The following MAP7D2 variants were observed in gnomAD, a reference collection of about 807,000 sequenced individuals.
MAP7D2 encodes MAP7 domain containing 2, also known as MAP7 domain-containing protein 2.
A neutral mutation model predicts 63.5 loss-of-function variants in MAP7D2; 33 were observed. That is an observed-to-expected ratio of 0.52 (90% CI 0.39 to 0.70). The LOEUF is 0.70. Among genes scored for constraint, MAP7D2 ranks in the 30% least tolerant of loss-of-function variants. The pLI is 0.00. For synonymous variants in MAP7D2, 224 were observed against 223.7 expected (o/e 1.00, Z -0.01); for missense variants, 626 against 604.0 (o/e 1.04, Z -0.38).
In MAP7D2 at chrX:20,064,766, A is replaced by T; in HGVS notation, c.170T>A (p.Leu57Ter). 8.3e-7 allele frequency: 1 copy of T among 1,211,360 alleles called. No individual in the cohort carries two copies. The highest frequency in any genetic ancestry group is 1.1e-6 in the Non-Finnish European group (1 of 895,048). Residue 57 changes from leucine to a stop codon, truncating the protein, a stop_gained, in exon 2 of 17, where the codon TTG (leucine) becomes TAG (stop). Transcript: ENST00000379643. LOFTEE classifies it high-confidence loss of function. ...GFLKSDERQR[L>*]AKERREEREK... ...TCTTTCTTCTCGTCTTTCTTTGGCC[A>T]ATCTCTGCCTCTCATCTGATTTCAA...
At chrX:20,097,503 A>G (rs2066303180) in intron 1 of MAP7D2, among the ~76,000 whole-genome samples, 1 of 112,263 alleles carries the variant, frequency 8.9e-6, no homozygotes, top group South Asian at 3.7e-4. Context: ...TAGGACAGTG[A>G]GAACTAGGAC....
chrX:20,036,329 G>A (rs1438094418), intron 8 of MAP7D2, among the ~76,000 whole-genome samples: 2 of 109,700 alleles, frequency 1.8e-5, no homozygotes, highest in South Asian at 4.1e-4. Context: ...TGCAACCTCC[G>A]CCTCCCGGGT....
chrX:20,058,054 G>A (rs2059374952), intron 3 of MAP7D2, among the ~76,000 whole-genome samples: 1 of 112,450 alleles, frequency 8.9e-6, no homozygotes, highest in African/African-American at 3.2e-5. Context: ...AAGCAGAAAG[G>A]GGGATTTTTA....
chrX:20,109,893 G>A (rs1360020345), intron 1 of MAP7D2, among the ~76,000 whole-genome samples: 1 of 109,693 alleles, frequency 9.1e-6, no homozygotes. Flanking sequence ...AAAATTAGCC[G>A]GTTGTGGTGG....
At chrX:20,091,515 CA>C (rs1463780503) in intron 1 of MAP7D2, among the ~76,000 whole-genome samples, 2 of 109,335 alleles carry the variant, frequency 1.8e-5, no homozygotes, top group African/African-American at 6.6e-5. Flanking sequence ...ACTAAAAATA[CA>C]AAAATTAGCC....
intron 8 of MAP7D2, among the ~76,000 whole-genome samples, chrX:20,028,383 T>C (rs1162337036): frequency 8.9e-6 from 1 of 111,909 alleles, no homozygotes; most frequent in Non-Finnish European, 1.9e-5. Context: ...ATCAATTAGA[T>C]GATAAACTAA....
intron 1 of MAP7D2, among the ~76,000 whole-genome samples, chrX:20,090,342 C>T (rs61145816): frequency 0.026 from 1,970 of 76,432 alleles, 76 homozygotes; most frequent in African/African-American, 0.099. Context: ...CCAGCCTGGG[C>T]GACAGAGTGA....
chrX:20,094,555 T>C lies in MAP7D2; in HGVS notation c.130+22195A>G, dbSNP rs1423760393. On this transcript the variant is annotated intron_variant, in intron 1 of 16. Transcript: ENST00000379643. ...ATATATATATATGTATATATATATA[T>C]ATATATATATATACATATATATGTA... 8.0e-4 allele frequency among the ~76,000 whole-genome samples: 10 copies of C among 12,424 alleles called. 1 individual carries two copies. The East Asian group carries it at 9.0e-3, about 11-fold the overall frequency. The allele number at this position is 12,424 out of a possible 115,157, so 10.8% of individuals were successfully genotyped here.
rs2148329109 is a variant in MAP7D2 at position 20,052,981 on chromosome X, G to A, written c.492C>T (p.Asp164=). 1 of 1,193,936 alleles carries A rather than the reference G, an allele frequency of 8.4e-7. No individual in the cohort carries two copies. Among genetic ancestry groups the A allele is most frequent in the Non-Finnish European group, 1.1e-6 (1 of 879,121 alleles). ...AACTCATAGTTGATGTTGAAAGTTT[G>A]TCACATGCTGCAGAGAAATGCATTA... ...AIGPGGHDAC[D]KLSTSTMSLP... is the part of the protein sequence containing the mutation. Residue 164 remains aspartate (D), a synonymous_variant, in exon 5 of 17, where the codon GAC becomes GAT. Coordinates refer to ENST00000379643, the MANE Select transcript of MAP7D2 (RefSeq NM_001168465.2).
intron 6 of MAP7D2, among the ~76,000 whole-genome samples, chrX:20,045,527 G>GAA (rs1170223479): frequency 7.8e-4 from 14 of 17,978 alleles, no homozygotes; most frequent in South Asian, 3.4e-3. Flanking sequence ...ACCCCATCTC[G>GAA]AAAAAAAAAA....
chrX:20,054,719 C>T lies in MAP7D2; in HGVS notation c.485-1731G>A, dbSNP rs781618228. Among the ~76,000 whole-genome samples the T allele has an allele frequency of 8.1e-5, 9 of 111,488 alleles. No homozygotes were observed. The South Asian group carries it at 3.4e-3, about 43-fold the overall frequency. On this transcript the variant is annotated intron_variant, in intron 4 of 16. Coordinates refer to ENST00000379643, the MANE Select transcript of MAP7D2 (RefSeq NM_001168465.2). ...GCCTCAGCCTCCTGAGTAGCTGGGG[C>T]TCCAGGCACCCGCCACCACACTTGA...
intron 8 of MAP7D2, among the ~76,000 whole-genome samples, chrX:20,028,246 C>T (rs2073934244): frequency 8.9e-6 from 1 of 112,157 alleles, no homozygotes; most frequent in Admixed American, 9.4e-5. Flanking sequence ...AGCCTTCTTA[C>T]AGCTCTGCTC....
intron 1 of MAP7D2, among the ~76,000 whole-genome samples, chrX:20,100,914 A>G (rs920160420): frequency 9.1e-6 from 1 of 109,694 alleles, no homozygotes; most frequent in Non-Finnish European, 1.9e-5. Context: ...CCAACCACTC[A>G]GGAGGCTGAG....
At chrX:20,054,880 C>G (rs922111832) in intron 4 of MAP7D2, among the ~76,000 whole-genome samples, 5 of 112,312 alleles carry the variant, frequency 4.5e-5, no homozygotes, top group Admixed American at 3.8e-4. Flanking sequence ...CCACGCCCAG[C>G]CCCCCTGCAC....
At chrX:20,018,228 A>T (rs1478425931) in intron 10 of MAP7D2, among the ~76,000 whole-genome samples, 1 of 109,815 alleles carries the variant, frequency 9.1e-6, no homozygotes, top group Non-Finnish European at 1.9e-5. Context: ...GGCCTCCCAA[A>T]GTGCTAGGAT....
Position 20,025,760 on chromosome X carries a change from G to A in MAP7D2, c.1200C>T (p.Ala400=), listed in dbSNP as rs1235474349. 3.3e-6 allele frequency: 4 copies of A among 1,211,587 alleles called. No individual in the cohort carries two copies. Among genetic ancestry groups the A allele is most frequent in the Non-Finnish European group, 3.4e-6 (3 of 895,438 alleles). The change falls in exon 9 of 17, where the codon GCC becomes GCT. Residue 400 remains alanine, a synonymous_variant. Coordinates refer to ENST00000379643, the MANE Select transcript of MAP7D2 (RefSeq NM_001168465.2). Reference sequence around the variant, plus strand: ...GCTTGTCCACTACATGCTTCTCTAGGGCTTCCTCTCCTTGCGGGCCAGCAG... The same window carrying A: ...GCTTGTCCACTACATGCTTCTCTAGAGCTTCCTCTCCTTGCGGGCCAGCAG... The part of the protein sequence containing the change: ...QQAAGPQGEE[A]LEKHVVDKHA...
At chrX:20,028,324 T>C (rs774979637) in intron 8 of MAP7D2, among the ~76,000 whole-genome samples, 3 of 112,147 alleles carry the variant, frequency 2.7e-5, no homozygotes, top group African/African-American at 9.7e-5. Flanking sequence ...ATGTTCTTTA[T>C]AGAACTGGCA....
At chrX:20,015,727 T>C (rs1376865949) in intron 11 of MAP7D2, among the ~76,000 whole-genome samples, 1 of 112,609 alleles carries the variant, frequency 8.9e-6, no homozygotes, top group African/African-American at 3.2e-5. Context: ...TTCTAAAGCA[T>C]GATCCACAGT....
rs374976336 is a variant in MAP7D2, at chrX:20,033,944, G to C, written c.1008-7992C>G. ...TAAGGTATAAAGAATGATATAAATG[G>C]CCGGGCGCGGTGGCTCACACCTGTA... On this transcript the variant is annotated intron_variant, in intron 8 of 16. Transcript: ENST00000379643. 3.9e-3 allele frequency among the ~76,000 whole-genome samples: 434 copies of C among 111,529 alleles called. 2 individuals are homozygous for C. Among genetic ancestry groups the C allele is most frequent in the African/African-American group, 0.013 (394 of 30,727 alleles).
Sources: gnomAD v4.1 joint callset for allele counts (sites outside exome capture counted in the v4.1 genomes callset) on GRCh38, gnomAD v4.1.1 for gene constraint, MANE v1.5 for transcripts, NCBI Gene and HGNC (gene_info 2026-07-23, HGNC 2026-07-21) for gene names.